The following CSMD3 variants were observed in gnomAD, a reference collection of about 807,000 sequenced individuals.
CSMD3 encodes the protein CUB and sushi domain-containing protein 3.
CSMD3 carries 177 observed loss-of-function variants against 435.2 expected under a neutral mutation model. The ratio of observed to expected loss-of-function variants is 0.41; its 90% confidence interval spans 0.36 to 0.46. The LOEUF (loss-of-function observed/expected upper bound fraction) is 0.46, where lower values mean the gene tolerates loss of function less well. Ranked by LOEUF, CSMD3 falls within the 20% of genes least tolerant of loss-of-function variation. CSMD3 has a pLI of 0.34. For synonymous variants in CSMD3, 1,656 were observed against 1,520.5 expected, an observed-to-expected ratio of 1.09 and a Z score of -2.07; for missense variants, 4,265 against 4,504.6, an observed-to-expected ratio of 0.95 and a Z score of 1.52.
chr8:113,359,301 T>C (rs2094255372), intron 1 of CSMD3, among the ~76,000 whole-genome samples: 1 of 152,176 alleles, frequency 6.6e-6, no homozygotes, highest in Non-Finnish European at 1.5e-5. Flanking sequence ...CAAGTAGGCT[T>C]CAAGTTTTTC....
intron 5 of CSMD3, among the ~76,000 whole-genome samples, chr8:113,020,457 A>G (rs553994815): frequency 1.3e-5 from 2 of 152,290 alleles, no homozygotes; most frequent in East Asian, 3.9e-4. Flanking sequence ...GACATCATGA[A>G]ATAGAAAAAT....
chr8:113,301,288 A>G (rs533937593), intron 2 of CSMD3, among the ~76,000 whole-genome samples: 14 of 152,174 alleles, frequency 9.2e-5, no homozygotes, highest in Non-Finnish European at 1.9e-4. Context: ...CTTATATATT[A>G]TTATGAATAA....
At chr8:113,306,115 G>A (rs1306490174) in intron 2 of CSMD3, among the ~76,000 whole-genome samples, 2 of 151,956 alleles carry the variant, frequency 1.3e-5, no homozygotes, top group Non-Finnish European at 2.9e-5. Context: ...CAAAACTCTA[G>A]TATTGCTTTT....
intron 5 of CSMD3, among the ~76,000 whole-genome samples, chr8:113,048,751 T>C (rs2087952311): frequency 6.6e-6 from 1 of 152,188 alleles, no homozygotes; most frequent in Admixed American, 6.5e-5. Flanking sequence ...ATGGTAGATT[T>C]GTCAGTGTTC....
rs2130154593 is a variant in CSMD3 at position 113,436,763 on chromosome 8, T to A, written c.92A>T (p.Asp31Val). 1 of 1,614,080 alleles carries A rather than the reference T, an allele frequency of 6.2e-7. No homozygotes were observed. Among genetic ancestry groups the A allele is most frequent in the African/African-American group, 1.3e-5 (1 of 75,012 alleles). ...CCCCATTTTCTTCATCAGGATGAAG[T>A]CTAGGCGGCCACATTTAGCGCATCT... The part of the protein sequence containing the change: ...KRRCAKCGRL[D>V]FILMKKMGIK... The change falls in exon 1 of 71, where the codon GAC (aspartate) becomes GTC (valine). Residue 31 changes from aspartate to valine, a missense_variant. Around this residue, in one of 3 missense-constraint regions of CSMD3, gnomAD observed 731 missense variants for 755.4 expected, o/e 0.97. Transcript: ENST00000297405.
intron 32 of CSMD3, among the ~76,000 whole-genome samples, chr8:112,462,960 T>C (rs1183430852): frequency 6.6e-6 from 1 of 152,194 alleles, no homozygotes; most frequent in East Asian, 1.9e-4. Context: ...CTCTCACGCA[T>C]TTTGAAACTG....
chr8:112,654,541 G>T (rs190340565), intron 18 of CSMD3, among the ~76,000 whole-genome samples: 30 of 152,256 alleles, frequency 2.0e-4, no homozygotes, highest in Admixed American at 4.6e-4. Context: ...ACTAGCCCTC[G>T]AAAATAACTT....
intron 32 of CSMD3, among the ~76,000 whole-genome samples, chr8:112,422,808 A>G (rs188570379): frequency 3.3e-4 from 51 of 152,288 alleles, no homozygotes; most frequent in South Asian, 8.3e-4. Context: ...TTATTGTTTA[A>G]CTCTGTCAAA....
intron 1 of CSMD3, among the ~76,000 whole-genome samples, chr8:113,406,419 C>A (rs1158716415): frequency 6.6e-6 from 1 of 151,798 alleles, no homozygotes; most frequent in African/African-American, 2.4e-5. Context: ...ATTTTAGAGG[C>A]AGAGGCATAA....
chr8:113,217,170 G>T (rs1318433649), intron 3 of CSMD3, among the ~76,000 whole-genome samples: 1 of 151,634 alleles, frequency 6.6e-6, no homozygotes, highest in Non-Finnish European at 1.5e-5. Flanking sequence ...TAAGAACAAA[G>T]CAGTCTGAAG....
chr8:113,011,489 T>C (rs953085077), intron 6 of CSMD3, among the ~76,000 whole-genome samples: 2 of 151,726 alleles, frequency 1.3e-5, no homozygotes, highest in African/African-American at 4.8e-5. Flanking sequence ...CACATACAAC[T>C]AATGAACAGA....
chr8:112,503,746 C>A (rs1406684500), intron 30 of CSMD3, 44 bp downstream of exon 30: 1 of 1,393,862 alleles, frequency 7.2e-7, no homozygotes, highest in Non-Finnish European at 1.0e-6. Context: ...TATAAAATAT[C>A]TATAATTTAA....
intron 24 of CSMD3, among the ~76,000 whole-genome samples, chr8:112,570,107 GAT>G (rs1829386740): frequency 6.6e-6 from 1 of 152,184 alleles, no homozygotes; most frequent in African/African-American, 2.4e-5. Context: ...ACGAAATCCT[GAT>G]GCACATTCTA....
At chr8:112,950,537 T>C (rs994285226) in intron 8 of CSMD3, among the ~76,000 whole-genome samples, 6 of 152,030 alleles carry the variant, frequency 3.9e-5, no homozygotes, top group African/African-American at 7.2e-5. Context: ...AAATATTTTA[T>C]ATAAATTTAA....
intron 22 of CSMD3, among the ~76,000 whole-genome samples, chr8:112,592,899 T>C (rs1831320494): frequency 6.6e-6 from 1 of 152,100 alleles, no homozygotes; most frequent in Non-Finnish European, 1.5e-5. Flanking sequence ...TAACATGTAG[T>C]CTCTAGTATG....
intron 7 of CSMD3, among the ~76,000 whole-genome samples, chr8:112,963,951 C>T (rs867263845): frequency 3.9e-4 from 59 of 151,952 alleles, no homozygotes; most frequent in African/African-American, 1.3e-3. Flanking sequence ...AATTTGTTCA[C>T]ATTTATCTTT....
At chr8:113,433,962 G>A (rs994460133) in intron 1 of CSMD3, among the ~76,000 whole-genome samples, 3 of 152,108 alleles carry the variant, frequency 2.0e-5, no homozygotes, top group South Asian at 2.1e-4. Flanking sequence ...CCTGTCCCAC[G>A]CCTCAGTTTG....
At chr8:113,081,093 A>G (rs1037063298) in intron 5 of CSMD3, among the ~76,000 whole-genome samples, 7 of 152,196 alleles carry the variant, frequency 4.6e-5, no homozygotes, top group African/African-American at 9.6e-5. Context: ...AAGTTTAGCT[A>G]TTACCTTAAA....
chr8:112,869,817 G>C (rs1437735579), intron 10 of CSMD3, among the ~76,000 whole-genome samples: 1 of 152,138 alleles, frequency 6.6e-6, no homozygotes, highest in Admixed American at 6.6e-5. Flanking sequence ...TCACTCATAA[G>C]TGGAAGTTGA....
Sources: gnomAD v4.1 joint callset for allele counts (sites outside exome capture counted in the v4.1 genomes callset) on GRCh38, gnomAD v4.1.1 for gene constraint, gnomAD v4.1.1 regional missense constraint, MANE v1.5 for transcripts, NCBI Gene and HGNC (gene_info 2026-07-23, HGNC 2026-07-21) for gene names.